Variants in GOLIM4 observed in about 807,000 individuals in gnomAD.
The protein encoded by GOLIM4 is 130 kDa golgi-localized phosphoprotein.
A neutral mutation model predicts 107.4 loss-of-function variants in GOLIM4; 71 were observed. That is an observed-to-expected ratio of 0.66 (90% CI 0.55 to 0.81). The LOEUF (loss-of-function observed/expected upper bound fraction) is 0.81, where lower values mean the gene tolerates loss of function less well. Ranked by LOEUF, GOLIM4 falls within the 30% of genes least tolerant of loss-of-function variation. The pLI is 0.00. For synonymous variants in GOLIM4, 327 were observed against 294.8 expected (o/e 1.11, Z -1.12); for missense variants, 830 against 826.1 (o/e 1.00, Z -0.06).
chr3:168,070,907 G>T (rs1217978807), intron 1 of GOLIM4, among the ~76,000 whole-genome samples: 1 of 152,162 alleles, frequency 6.6e-6, no homozygotes, highest in Non-Finnish European at 1.5e-5. Context: ...TTCTTTGTTA[G>T]TGGGGGTTTT....
At chr3:168,086,349 C>T (rs1201652884) in intron 1 of GOLIM4, among the ~76,000 whole-genome samples, 1 of 152,038 alleles carries the variant, frequency 6.6e-6, no homozygotes, top group Non-Finnish European at 1.5e-5. Context: ...AGCATCATAG[C>T]TATTATCAAG....
intron 1 of GOLIM4, among the ~76,000 whole-genome samples, chr3:168,054,485 T>C (rs1353972591): frequency 6.6e-6 from 1 of 152,222 alleles, no homozygotes; most frequent in Non-Finnish European, 1.5e-5. Context: ...ACTAGAAAGA[T>C]GCGTTCACAC....
intron 1 of GOLIM4, among the ~76,000 whole-genome samples, chr3:168,050,376 T>G (rs1035276828): frequency 6.6e-6 from 1 of 152,216 alleles, no homozygotes; most frequent in Non-Finnish European, 1.5e-5. Context: ...AGCCCCATCT[T>G]AAATTAAGTT....
At chr3:168,015,605 A>G (rs1474037691) in intron 14 of GOLIM4, among the ~76,000 whole-genome samples, 1 of 136,814 alleles carries the variant, frequency 7.3e-6, no homozygotes, top group Non-Finnish European at 1.5e-5. Flanking sequence ...CCAAAAGAAC[A>G]AAGCCGGAGG....
intron 1 of GOLIM4, among the ~76,000 whole-genome samples, chr3:168,067,194 T>TA (rs1461673043): frequency 2.0e-5 from 3 of 152,138 alleles, no homozygotes; most frequent in Non-Finnish European, 2.9e-5. Context: ...CTAATGAGCA[T>TA]AATTTTGTGA....
chr3:168,080,670 G>A (rs1403948621), intron 1 of GOLIM4, among the ~76,000 whole-genome samples: 1 of 152,140 alleles, frequency 6.6e-6, no homozygotes, highest in Non-Finnish European at 1.5e-5. Flanking sequence ...TGGGAGTTTT[G>A]GCCAACTGAA....
chr3:168,058,911 G>C (rs1423226569), intron 1 of GOLIM4, among the ~76,000 whole-genome samples: 1 of 152,174 alleles, frequency 6.6e-6, no homozygotes, highest in African/African-American at 2.4e-5. Context: ...CTCTTATCTA[G>C]CAATCAGATT....
intron 1 of GOLIM4, 51 bp from the exon 2 acceptor site, chr3:168,048,416 T>G: frequency 1.2e-6 from 1 of 801,350 alleles, no homozygotes; most frequent in Non-Finnish European, 2.0e-6. Flanking sequence ...AATTTAAAAC[T>G]AAAATTAACA....
At chr3:168,090,126 A>G (rs1445681719) in intron 1 of GOLIM4, among the ~76,000 whole-genome samples, 24 of 152,170 alleles carry the variant, frequency 1.6e-4, no homozygotes, top group Admixed American at 1.5e-3. Context: ...GTAACCAATG[A>G]CAAGATGTAT....
intron 7 of GOLIM4, among the ~76,000 whole-genome samples, chr3:168,038,225 G>A (rs1370432816): frequency 6.6e-6 from 1 of 152,128 alleles, no homozygotes; most frequent in African/African-American, 2.4e-5. Flanking sequence ...CAACTTTGGA[G>A]GTAAAAAATA....
intron 11 of GOLIM4, 102 bp from the exon 12 acceptor site, chr3:168,027,939 T>C: frequency 1.4e-6 from 1 of 730,730 alleles, no homozygotes; most frequent in Non-Finnish European, 2.5e-6. Context: ...CAGACTACAA[T>C]ACCTCCACCT....
At chr3:168,080,792 T>C (rs1454502927) in intron 1 of GOLIM4, among the ~76,000 whole-genome samples, 1 of 151,422 alleles carries the variant, frequency 6.6e-6, no homozygotes, top group African/African-American at 2.5e-5. Flanking sequence ...GATGTTTATA[T>C]AAAATATTTT....
At chr3:168,092,499 T>C (rs1156309279) in intron 1 of GOLIM4, among the ~76,000 whole-genome samples, 1 of 152,198 alleles carries the variant, frequency 6.6e-6, no homozygotes. Flanking sequence ...GAAGGTGACC[T>C]AAATACGCTC....
At chr3:168,052,296 C>A (rs932074435) in intron 1 of GOLIM4, among the ~76,000 whole-genome samples, 1 of 152,066 alleles carries the variant, frequency 6.6e-6, no homozygotes, top group African/African-American at 2.4e-5. Context: ...GCCCTTCCAA[C>A]CCTACAGTTA....
intron 1 of GOLIM4, among the ~76,000 whole-genome samples, chr3:168,069,161 T>C (rs184230905): frequency 6.6e-6 from 1 of 152,244 alleles, no homozygotes; most frequent in Non-Finnish European, 1.5e-5. Context: ...ACACAAACTA[T>C]TTTTTTAAGT....
intron 1 of GOLIM4, among the ~76,000 whole-genome samples, chr3:168,048,713 A>C (rs908327279): frequency 6.6e-6 from 1 of 152,114 alleles, no homozygotes; most frequent in South Asian, 2.1e-4. Flanking sequence ...CTGACTTTTA[A>C]CCATCATCTG....
rs541286554 is a variant in GOLIM4 at position 168,059,914 on chromosome 3, T to C, written c.188-11549A>G. On this transcript the variant is annotated intron_variant, in intron 1 of 15. Coordinates refer to ENST00000470487, the MANE Select transcript of GOLIM4 (RefSeq NM_014498.5). ...CTTCCAAAATAGAGGGAGTAACCCATAGGAAAGCTGTACAGTGCAAGCACA... is the reference window on the plus strand; with the variant it reads ...CTTCCAAAATAGAGGGAGTAACCCACAGGAAAGCTGTACAGTGCAAGCACA... 9.2e-5 allele frequency among the ~76,000 whole-genome samples: 14 copies of C among 152,088 alleles called. 1 individual carries two copies. Among genetic ancestry groups the C allele is most frequent in the South Asian group, 8.3e-4 (4 of 4,810 alleles).
intron 1 of GOLIM4, among the ~76,000 whole-genome samples, chr3:168,075,272 G>A (rs913146362): frequency 1.3e-5 from 2 of 150,568 alleles, no homozygotes; most frequent in South Asian, 2.1e-4. Context: ...CTGGTAATTG[G>A]CGGACATTCA....
At chr3:168,012,327 G>T (rs1209717387) in intron 14 of GOLIM4, among the ~76,000 whole-genome samples, 3 of 136,612 alleles carry the variant, frequency 2.2e-5, no homozygotes, top group Non-Finnish European at 4.4e-5. Context: ...AGCGAGAAGA[G>T]AAGTTTAGAG....
Sources: allele counts gnomAD v4.1 joint callset (sites outside exome capture counted in the v4.1 genomes callset), GRCh38; gene constraint gnomAD v4.1.1; transcripts MANE v1.5; gene names NCBI Gene and HGNC (gene_info 2026-07-23, HGNC 2026-07-21).